The following TENT2 variants were observed in gnomAD, a reference collection of about 807,000 sequenced individuals.
TENT2 encodes terminal nucleotidyltransferase 2, also known as poly(A) RNA polymerase GLD2.
In TENT2, 44 loss-of-function variants were observed where a neutral mutation model predicts 72.2. That is an observed-to-expected ratio of 0.61 (90% CI 0.48 to 0.78). TENT2 has a LOEUF of 0.78. TENT2 is among the 30% of genes least tolerant of loss of function. TENT2 has a pLI of 0.00. For missense variants in TENT2, 541 were observed against 569.6 expected (o/e 0.95, Z 0.51); for synonymous variants, 212 against 192.5 (o/e 1.10, Z -0.84).
At chr5:79,674,343 C>T (rs1815437256) in intron 12 of TENT2, among the ~76,000 whole-genome samples, 1 of 152,184 alleles carries the variant, frequency 6.6e-6, no homozygotes, top group African/African-American at 2.4e-5. Context: ...GATCGCGCCA[C>T]CGCACTCCAG....
intron 10 of TENT2, among the ~76,000 whole-genome samples, chr5:79,653,385 C>T (rs1795609447): frequency 6.6e-6 from 1 of 151,842 alleles, no homozygotes; most frequent in Non-Finnish European, 1.5e-5. Flanking sequence ...CCTAGCTACT[C>T]AGGAGGCTAA....
intron 10 of TENT2, among the ~76,000 whole-genome samples, chr5:79,654,830 T>G (rs1254454048): frequency 6.6e-6 from 1 of 152,136 alleles, no homozygotes; most frequent in Non-Finnish European, 1.5e-5. Context: ...TGATTCTTAG[T>G]GTGATTGAAG....
intron 4 of TENT2, among the ~76,000 whole-genome samples, chr5:79,638,329 A>G (rs1781832719): frequency 6.6e-6 from 1 of 151,858 alleles, no homozygotes; most frequent in African/African-American, 2.4e-5. Context: ...TGGTCCTGTT[A>G]TAATAAAAAA....
chr5:79,684,951 A>G (rs1337819906), intron 14 of TENT2, among the ~76,000 whole-genome samples: 1 of 152,216 alleles, frequency 6.6e-6, no homozygotes, highest in East Asian at 1.9e-4. Flanking sequence ...CCAGCTACTC[A>G]GGAGGCAGAG....
At chr5:79,653,768 A>G (rs1795899516) in intron 10 of TENT2, among the ~76,000 whole-genome samples, 1 of 152,114 alleles carries the variant, frequency 6.6e-6, no homozygotes, top group Admixed American at 6.6e-5. Flanking sequence ...GCAGTATCAC[A>G]TTACTGTGAG....
intron 4 of TENT2, among the ~76,000 whole-genome samples, chr5:79,630,029 G>A (rs1211641831): frequency 2.0e-5 from 3 of 152,170 alleles, no homozygotes; most frequent in Non-Finnish European, 4.4e-5. Flanking sequence ...CAGCAACTCG[G>A]GAGGCTGAGG....
chr5:79,682,894 C>T (rs1823175868), intron 14 of TENT2, among the ~76,000 whole-genome samples: 2 of 151,916 alleles, frequency 1.3e-5, no homozygotes, highest in South Asian at 4.1e-4. Flanking sequence ...TGTAGAAATG[C>T]CTTGATATAT....
At chr5:79,642,064 T>C (rs1320430283) in intron 6 of TENT2, among the ~76,000 whole-genome samples, 1 of 152,096 alleles carries the variant, frequency 6.6e-6, no homozygotes, top group Non-Finnish European at 1.5e-5. Flanking sequence ...CTTTTTAAGA[T>C]GCTGAGGTTT....
chr5:79,670,133 C>T (rs984124113), intron 12 of TENT2, among the ~76,000 whole-genome samples: 2 of 150,892 alleles, frequency 1.3e-5, no homozygotes, highest in South Asian at 2.1e-4. Context: ...ACAGGAGAAA[C>T]GCTTGAACCT....
chr5:79,687,632 A>G lies in TENT2; in HGVS notation c.*2359A>G, dbSNP rs972712099. 1.5e-4 allele frequency among the ~76,000 whole-genome samples: 23 copies of G among 152,188 alleles called. No homozygotes were observed. The highest frequency in any genetic ancestry group is 4.8e-4 in the African/African-American group (20 of 41,436). On this transcript the variant is annotated 3_prime_UTR_variant, in exon 15 of 15. Coordinates refer to ENST00000453514, the MANE Select transcript of TENT2 (RefSeq NM_001114394.3). Reference sequence around the variant, plus strand: ...TCTATACCTGTTCGGTACAGATGCAACCATTCTGCCTCCTCCCTACCCCCT... The same window carrying G: ...TCTATACCTGTTCGGTACAGATGCAGCCATTCTGCCTCCTCCCTACCCCCT...
At chr5:79,630,985 TGAA>T (rs1774998461) in intron 4 of TENT2, among the ~76,000 whole-genome samples, 1 of 152,058 alleles carries the variant, frequency 6.6e-6, no homozygotes, top group Non-Finnish European at 1.5e-5. Context: ...GTAGTTAAGA[TGAA>T]GAGAAATTGA....
intron 12 of TENT2, among the ~76,000 whole-genome samples, chr5:79,671,543 T>C (rs917185516): frequency 2.0e-5 from 3 of 152,106 alleles, no homozygotes; most frequent in Admixed American, 2.0e-4. Context: ...TAGCTGGGAT[T>C]CCAGGTGCGT....
intron 7 of TENT2, among the ~76,000 whole-genome samples, chr5:79,643,589 G>A (rs753651845): frequency 5.3e-5 from 8 of 152,072 alleles, no homozygotes; most frequent in Non-Finnish European, 1.2e-4. Flanking sequence ...GCTTTGAGCT[G>A]GAAAGTACAA....
rs1775985127 is a variant in TENT2, at chr5:79,632,008, G to A, written c.465+8519G>A. Among the ~76,000 whole-genome samples the A allele has an allele frequency of 2.0e-5, 3 of 152,142 alleles. No individual in the cohort carries two copies. In the South Asian group the frequency reaches 6.2e-4, roughly 32 times the overall value. On this transcript the variant is annotated intron_variant, in intron 4 of 14. Coordinates refer to ENST00000453514, the MANE Select transcript of TENT2 (RefSeq NM_001114394.3). ...TCTCAATTACTATGCAAGATAATCT[G>A]TTGAGACTGGAGAAGATAAAGTAGG...
chr5:79,629,959 C>G (rs1773864782), intron 4 of TENT2, among the ~76,000 whole-genome samples: 2 of 99,150 alleles, frequency 2.0e-5, no homozygotes, highest in African/African-American at 1.4e-4. Context: ...TATGGTGAAA[C>G]CCCGTCTCTA....
chr5:79,653,900 A>G (rs1276136556), intron 10 of TENT2, among the ~76,000 whole-genome samples: 1 of 152,200 alleles, frequency 6.6e-6, no homozygotes, highest in Non-Finnish European at 1.5e-5. Flanking sequence ...CACCTGTAAC[A>G]CAAACAGTTG....
intron 13 of TENT2, among the ~76,000 whole-genome samples, chr5:79,680,530 GCA>G (rs1388609895): frequency 6.6e-6 from 1 of 152,142 alleles, no homozygotes; most frequent in Non-Finnish European, 1.5e-5. Flanking sequence ...GCCTTTCTAA[GCA>G]CTAAAAAATA....
intron 2 of TENT2, 28 bp from the exon 3 acceptor site, chr5:79,619,966 T>G (rs1250116653): frequency 6.5e-7 from 1 of 1,532,926 alleles, no homozygotes; most frequent in Non-Finnish European, 8.9e-7. Context: ...TATGTATAAA[T>G]TACTGTTCTT....
intron 14 of TENT2, among the ~76,000 whole-genome samples, chr5:79,684,265 A>G (rs1824801280): frequency 6.6e-6 from 1 of 152,134 alleles, no homozygotes; most frequent in South Asian, 2.1e-4. Context: ...CTTATTGTAA[A>G]TTTACTCTCT....
Sources: gnomAD v4.1 joint callset for allele counts (sites outside exome capture counted in the v4.1 genomes callset) on GRCh38, gnomAD v4.1.1 for gene constraint, MANE v1.5 for transcripts, NCBI Gene and HGNC (gene_info 2026-07-23, HGNC 2026-07-21) for gene names.